Variants in AP2A2 observed in about 807,000 individuals in gnomAD.
The protein encoded by AP2A2 is adaptor related protein complex 2 subunit alpha 2, also known as AP-2 complex subunit alpha-2.
In AP2A2, 32 loss-of-function variants were observed where a neutral mutation model predicts 104.2. The ratio of observed to expected loss-of-function variants is 0.31; its 90% CI spans 0.23 to 0.41. AP2A2 has a LOEUF of 0.41. Ranked by LOEUF, AP2A2 falls within the 10% of genes least tolerant of loss-of-function variation. The pLI is 1.00. For synonymous variants in AP2A2, 539 were observed against 533.3 expected, an observed-to-expected ratio of 1.01 and a Z score of -0.15; for missense variants, 912 against 1,261.0, an observed-to-expected ratio of 0.72 and a Z score of 4.19.
chr11:986,438 C>T (rs1855459849), intron 8 of AP2A2, among the ~76,000 whole-genome samples: 1 of 152,256 alleles, frequency 6.6e-6, no homozygotes, highest in South Asian at 2.1e-4. Flanking sequence ...CTGCCCTGGG[C>T]TGGTGCCTCT....
chr11:956,070 T>G (rs1854223434), intron 1 of AP2A2, among the ~76,000 whole-genome samples: 1 of 152,258 alleles, frequency 6.6e-6, no homozygotes, highest in African/African-American at 2.4e-5. Context: ...CCAGGTGCAG[T>G]GGCTCACACC....
In AP2A2 at chr11:983,549, AT is replaced by A. The variant is rs578014629; in HGVS notation, c.706-1090del. The stretch of plus-strand genomic sequence containing the variant: ...AGGCGCCCGCCACCATGCCTGGCTA[AT>A]TTTTTGTATTTTTTAGTAGAGATGG... On this transcript the variant is annotated intron_variant, in intron 6 of 21. Transcript: ENST00000448903. Among the ~76,000 whole-genome samples, 700 of 151,126 alleles carry A rather than the reference AT, an allele frequency of 4.6e-3. 4 individuals are homozygous for A. Among genetic ancestry groups the A allele is most frequent in the African/African-American group, 0.017 (675 of 40,818 alleles).
chr11:961,811 C>T (rs1452125393), intron 2 of AP2A2, among the ~76,000 whole-genome samples: 2 of 144,460 alleles, frequency 1.4e-5, no homozygotes. Context: ...GTCGCCGCCA[C>T]GAGTGAAAAG....
At chr11:976,526 G>A (rs997922025) in intron 4 of AP2A2, among the ~76,000 whole-genome samples, 5 of 152,170 alleles carry the variant, frequency 3.3e-5, no homozygotes, top group African/African-American at 4.8e-5. Flanking sequence ...AGGGGGATAA[G>A]CGGAGCATGG....
chr11:973,994 G>A (rs2134636187), intron 4 of AP2A2, among the ~76,000 whole-genome samples: 1 of 152,338 alleles, frequency 6.6e-6, no homozygotes, highest in Admixed American at 6.5e-5. Flanking sequence ...GATGAAGTGG[G>A]GCACTACCTG....
intron 5 of AP2A2, among the ~76,000 whole-genome samples, chr11:978,394 G>A (rs1855125662): frequency 6.6e-6 from 1 of 152,216 alleles, no homozygotes; most frequent in East Asian, 1.9e-4. Context: ...CAGGGTGGCA[G>A]GGCCTTGCCT....
intron 4 of AP2A2, among the ~76,000 whole-genome samples, chr11:975,493 T>C (rs11605959): frequency 5.4e-4 from 40 of 74,676 alleles, no homozygotes; most frequent in Middle Eastern, 0.012. Flanking sequence ...CGGAGAGTAG[T>C]GGTGGGGTCC....
intron 5 of AP2A2, among the ~76,000 whole-genome samples, chr11:979,754 A>G (rs1378830633): frequency 6.6e-6 from 1 of 152,006 alleles, no homozygotes; most frequent in Admixed American, 6.6e-5. Flanking sequence ...TTTAGTAGAG[A>G]TGGGGTTTCA....
At chr11:963,552 C>T (rs780969243) in intron 2 of AP2A2, among the ~76,000 whole-genome samples, 8 of 152,162 alleles carry the variant, frequency 5.3e-5, no homozygotes, top group Non-Finnish European at 1.0e-4. Context: ...GCTCACTGAC[C>T]GCATGTGGCA....
At position 944,093 on chromosome 11, in the gene AP2A2, C is replaced by T. The variant is rs187696291; in HGVS notation, c.68-15344C>T. Among the ~76,000 whole-genome samples the T allele has an allele frequency of 3.9e-5, 6 of 152,152 alleles. No homozygotes were observed. The East Asian group carries it at 9.7e-4, about 25-fold the overall frequency. On this transcript the variant is annotated intron_variant, in intron 1 of 21. Transcript: ENST00000448903. ...GTCTGACTGGAGATGCAGGTGGCAG[C>T]GGAGATGGCCGGAATAGAGCACTCG...
intron 10 of AP2A2, among the ~76,000 whole-genome samples, chr11:991,790 G>C (rs935165291): frequency 6.6e-6 from 1 of 152,088 alleles, no homozygotes; most frequent in Non-Finnish European, 1.5e-5. Flanking sequence ...GGGGCGGCAG[G>C]GTATTAGGGG....
chr11:927,210 C>T (rs1271824908), intron 1 of AP2A2, among the ~76,000 whole-genome samples: 1 of 151,530 alleles, frequency 6.6e-6, no homozygotes, highest in Non-Finnish European at 1.5e-5. Context: ...AAGCGTGCAC[C>T]ACCACCATGC....
Position 968,800 on chromosome 11 carries a change from G to A in AP2A2, c.137-1369G>A, listed in dbSNP as rs1383217264. Among the ~76,000 whole-genome samples, 1 of 152,080 alleles carries A rather than the reference G, an allele frequency of 6.6e-6. No homozygotes were observed. The highest frequency in any genetic ancestry group is 6.5e-5 in the Admixed American group (1 of 15,268). ...AAGTGGGTCGGGGCCGGGGGAGGGA[G>A]GAACCAGGTCGGGTCTGCTTTTATT... On this transcript the variant is annotated intron_variant, in intron 2 of 21. Coordinates refer to ENST00000448903, the MANE Select transcript of AP2A2 (RefSeq NM_012305.4). This position sits in a 1 kb window ranked among gnomAD's most constrained non-coding sequence, Gnocchi z 4.2.
chr11:926,120 C>G, intron 1 of AP2A2, 32 bp downstream of exon 1: 2 of 1,226,856 alleles, frequency 1.6e-6, no homozygotes, highest in Non-Finnish European at 2.1e-6. Context: ...GGGCCGGGGC[C>G]GGGGCCGCCG....
At chr11:988,038 C>T (rs1855522237) in intron 9 of AP2A2, among the ~76,000 whole-genome samples, 1 of 152,262 alleles carries the variant, frequency 6.6e-6, no homozygotes. Context: ...TTGCACACGG[C>T]CAGTGCTAGC....
chr11:942,561 T>C (rs1362523001), intron 1 of AP2A2, among the ~76,000 whole-genome samples: 12 of 152,218 alleles, frequency 7.9e-5, no homozygotes, highest in South Asian at 2.1e-4. Flanking sequence ...GATTCTGTTA[T>C]TGGTAATGAT....
At position 967,814 on chromosome 11, in the gene AP2A2, C is replaced by T. The variant is rs192757279; in HGVS notation, c.137-2355C>T. The stretch of plus-strand genomic sequence containing the variant: ...TATGGTTTAGGATGAGGTTTTCCAG[C>T]CATCTCTCCTCTGATCTGCACAAAC... On this transcript the variant is annotated intron_variant, in intron 2 of 21. Transcript: ENST00000448903. 9.2e-5 allele frequency among the ~76,000 whole-genome samples: 14 copies of T among 152,306 alleles called. No homozygotes were observed. The East Asian group carries it at 2.7e-3, about 29-fold the overall frequency.
intron 4 of AP2A2, among the ~76,000 whole-genome samples, chr11:974,698 A>AAAAAAAAAAAAAG (rs55897359): frequency 1.5e-5 from 2 of 137,146 alleles, no homozygotes; most frequent in African/African-American, 2.7e-5. Flanking sequence ...AAAAAAAAAA[A>AAAAAAAAAAAAAG]AAAGAAAGCT....
intron 9 of AP2A2, among the ~76,000 whole-genome samples, chr11:987,207 C>G (rs1228390310): frequency 6.6e-6 from 1 of 152,244 alleles, no homozygotes; most frequent in Non-Finnish European, 1.5e-5. Context: ...CCTTTCCCTG[C>G]TGGGGGCAGC....
Sources: allele counts gnomAD v4.1 joint callset (sites outside exome capture counted in the v4.1 genomes callset), GRCh38; gene constraint gnomAD v4.1.1; non-coding constraint Gnocchi (gnomAD v3.1); transcripts MANE v1.5; gene names NCBI Gene and HGNC (gene_info 2026-07-23, HGNC 2026-07-21).